NIBAN1: variants seen among roughly 807,000 people sequenced by gnomAD.
NIBAN1 encodes protein Niban 1.
In NIBAN1, 81 loss-of-function variants were observed where a neutral mutation model predicts 75.1. The ratio of observed to expected loss-of-function variants is 1.08; its 90% CI spans 0.90 to 1.30. NIBAN1 has a LOEUF of 1.30. Among genes scored for constraint, NIBAN1 ranks in the 50% most tolerant of loss-of-function variants. The pLI is 0.00. For missense variants in NIBAN1, 1,133 were observed against 1,128.1 expected, an observed-to-expected ratio of 1.00 and a Z score of -0.06; for synonymous variants, 436 against 424.8, an observed-to-expected ratio of 1.03 and a Z score of -0.32.
At chr1:184,884,165 C>CCTGT (rs1656448459) in intron 5 of NIBAN1, among the ~76,000 whole-genome samples, 1 of 151,182 alleles carries the variant, frequency 6.6e-6, no homozygotes, top group African/African-American at 2.4e-5. Context: ...GCACAGAACT[C>CCTGT]TCCCTTTACC....
At chr1:184,877,559 T>C (rs965273910) in intron 5 of NIBAN1, among the ~76,000 whole-genome samples, 4 of 152,154 alleles carry the variant, frequency 2.6e-5, no homozygotes, top group African/African-American at 7.2e-5. Context: ...TCTAAGCTTG[T>C]TCATGGTATG....
At position 184,795,758 on chromosome 1, in the gene NIBAN1, G is replaced by A; in HGVS notation, c.2006C>T (p.Ala669Val). ...RVDDPVVNPV[A>V]TEDTAGLPGT... ...CGGGAGTCCTGCTGTGTCCTCTGTT[G>A]CCACAGGATTCACCACGGGGTCATC... Residue 669 changes from alanine (A) to valine (V), a missense_variant, in exon 14 of 14, where the codon GCA (alanine) becomes GTA (valine). Coordinates refer to ENST00000367511, the MANE Select transcript of NIBAN1 (RefSeq NM_052966.4). 1 of 1,612,038 alleles carries A rather than the reference G, an allele frequency of 6.2e-7. No homozygotes were observed. The highest frequency in any genetic ancestry group is 8.5e-7 in the Non-Finnish European group (1 of 1,178,796).
At chr1:184,811,792 G>A (rs1418823559) in intron 9 of NIBAN1, among the ~76,000 whole-genome samples, 1 of 152,094 alleles carries the variant, frequency 6.6e-6, no homozygotes, top group Non-Finnish European at 1.5e-5. Flanking sequence ...GCGCCCGGCT[G>A]CATTGAAGTA....
chr1:184,929,591 T>C (rs898698257), intron 1 of NIBAN1, among the ~76,000 whole-genome samples: 4 of 152,150 alleles, frequency 2.6e-5, no homozygotes, highest in African/African-American at 9.7e-5. Context: ...AAAAAGAAGA[T>C]ATATAAATTT....
rs1656475825 is a variant in NIBAN1 at position 184,884,803 on chromosome 1, A to G, written c.434-3T>C. On this transcript the variant is annotated splice_region_variant and splice_polypyrimidine_tract_variant and intron_variant, in intron 4 of 13. Transcript: ENST00000367511. ...AGTGTTCTCCTTCTCACTGGAGGCT[A>G]AAGAAATATTGAAAACACAAATACC... is the stretch of plus-strand genomic sequence containing the variant. 1.2e-6 allele frequency: 2 copies of G among 1,613,058 alleles called. No homozygotes were observed. The highest frequency in any genetic ancestry group is 1.7e-6 in the Non-Finnish European group (2 of 1,179,572).
chr1:184,892,913 A>G (rs113801415), intron 3 of NIBAN1, among the ~76,000 whole-genome samples: 2 of 152,136 alleles, frequency 1.3e-5, no homozygotes, highest in African/African-American at 4.8e-5. Context: ...CTGAGACTAC[A>G]GGCATGCACC....
At chr1:184,951,594 A>G (rs979004522) in intron 1 of NIBAN1, among the ~76,000 whole-genome samples, 1 of 151,946 alleles carries the variant, frequency 6.6e-6, no homozygotes, top group African/African-American at 2.4e-5. Context: ...TTATAACCCA[A>G]CCATGTCTCC....
Position 184,845,981 on chromosome 1 carries a change from G to C in NIBAN1, c.602-14019C>G, listed in dbSNP as rs569616664. Among the ~76,000 whole-genome samples, 11 of 79,362 alleles carry C rather than the reference G, an allele frequency of 1.4e-4. 3 individuals are homozygous for C. The highest frequency in any genetic ancestry group is 7.6e-4 in the South Asian group (2 of 2,640). The allele number at this position is 79,362 out of a possible 152,430, so 52.1% of individuals were successfully genotyped here. A position where few individuals can be genotyped will look rare whatever the true frequency, so the allele number is the denominator to read the frequency against. ...CTGGCTCAGAGGGTCCTACGCCCAC[G>C]GAATCTCGCTGATTGCTAGCACAGC... On this transcript the variant is annotated intron_variant, in intron 5 of 13. Transcript: ENST00000367511.
In NIBAN1 at chr1:184,951,768, C is replaced by G. The variant is rs187947082; in HGVS notation, c.55+22534G>C. 1.8e-3 allele frequency among the ~76,000 whole-genome samples: 271 copies of G among 152,154 alleles called. 1 individual carries two copies. Among genetic ancestry groups the G allele is most frequent in the Non-Finnish European group, 3.0e-3 (205 of 67,996 alleles). ...TATGGCGTTCCTCTCCTCGAAACTCCCCATGGCTTCTCTTCTTACACAGAG... is the reference window on the plus strand; with the variant it reads ...TATGGCGTTCCTCTCCTCGAAACTCGCCATGGCTTCTCTTCTTACACAGAG... On this transcript the variant is annotated intron_variant, in intron 1 of 13. Transcript: ENST00000367511.
At chr1:184,836,410 TA>T (rs1296155807) in intron 5 of NIBAN1, among the ~76,000 whole-genome samples, 2 of 152,202 alleles carry the variant, frequency 1.3e-5, no homozygotes, top group Non-Finnish European at 2.9e-5. Context: ...ATAAGAAGCA[TA>T]AATTTACATA....
chr1:184,844,845 C>T (rs1655391821), intron 5 of NIBAN1, among the ~76,000 whole-genome samples: 1 of 152,172 alleles, frequency 6.6e-6, no homozygotes, highest in Admixed American at 6.5e-5. Context: ...TCCTGCAAAC[C>T]CATCACCCTG....
intron 1 of NIBAN1, among the ~76,000 whole-genome samples, chr1:184,909,753 C>T (rs1657192568): frequency 6.6e-6 from 1 of 152,164 alleles, no homozygotes; most frequent in Admixed American, 6.5e-5. Context: ...TCTCTGGATA[C>T]AGTTTTTCTG....
At chr1:184,904,649 C>T (rs1420633691) in intron 1 of NIBAN1, among the ~76,000 whole-genome samples, 3 of 152,120 alleles carry the variant, frequency 2.0e-5, no homozygotes, top group Non-Finnish European at 2.9e-5. Flanking sequence ...TACTATCTCT[C>T]AACGACATTA....
rs199741457 is a variant in NIBAN1, at chr1:184,925,966, G to A, written c.56-26657C>T. ...CAATGCTTTATTCTTGCTCATTAAC[G>A]CCCTTTACTTTCAGATTGAAGGACT... On this transcript the variant is annotated intron_variant, in intron 1 of 13. Coordinates refer to ENST00000367511, the MANE Select transcript of NIBAN1 (RefSeq NM_052966.4). Among the ~76,000 whole-genome samples, 5 of 152,060 alleles carry A rather than the reference G, an allele frequency of 3.3e-5. No homozygotes were observed. The South Asian group carries it at 6.2e-4, about 19-fold the overall frequency.
At chr1:184,821,078 T>C (rs1654684624) in intron 8 of NIBAN1, among the ~76,000 whole-genome samples, 1 of 152,204 alleles carries the variant, frequency 6.6e-6, no homozygotes, top group South Asian at 2.1e-4. Flanking sequence ...TAGGAAGATG[T>C]TTTTCCTTCT....
intron 1 of NIBAN1, among the ~76,000 whole-genome samples, chr1:184,942,475 C>T (rs941228667): frequency 2.6e-5 from 4 of 152,160 alleles, no homozygotes; most frequent in African/African-American, 9.7e-5. Context: ...TGGCGGATCA[C>T]GAGGTCAGGA....
chr1:184,923,136 G>T (rs1417299609), intron 1 of NIBAN1, among the ~76,000 whole-genome samples: 3 of 152,122 alleles, frequency 2.0e-5, no homozygotes, highest in African/African-American at 7.2e-5. Context: ...AGAAACCTTT[G>T]CTCCGTCCAA....
intron 1 of NIBAN1, among the ~76,000 whole-genome samples, chr1:184,969,748 T>C (rs1282217234): frequency 6.6e-6 from 1 of 151,364 alleles, no homozygotes; most frequent in East Asian, 1.9e-4. Context: ...CCCAGGCTGG[T>C]CTCAAACTTC....
intron 1 of NIBAN1, among the ~76,000 whole-genome samples, chr1:184,907,128 T>G (rs1657126193): frequency 6.6e-6 from 1 of 152,214 alleles, no homozygotes. Context: ...TTTATACATT[T>G]TCTGCTAATC....
Sources: gnomAD v4.1 joint callset for allele counts (sites outside exome capture counted in the v4.1 genomes callset) on GRCh38, gnomAD v4.1.1 for gene constraint, MANE v1.5 for transcripts, NCBI Gene and HGNC (gene_info 2026-07-23, HGNC 2026-07-21) for gene names.